Variants in PIGX observed in about 807,000 individuals in gnomAD.
PIGX encodes the protein GPI alpha-1,4-mannosyltransferase I, stabilizing subunit.
PIGX carries 24 observed loss-of-function variants against 28.7 expected under a neutral mutation model. The ratio of observed to expected loss-of-function variants is 0.84; its 90% CI spans 0.60 to 1.17. The LOEUF (loss-of-function observed/expected upper bound fraction) is 1.17, where lower values mean the gene tolerates loss of function less well. PIGX is among the 50% of genes most tolerant of loss of function. The pLI, the probability that PIGX is intolerant of heterozygous loss-of-function variation, is 0.00. For missense variants in PIGX, 305 were observed against 317.8 expected (o/e 0.96, Z 0.31); for synonymous variants, 127 against 121.0 (o/e 1.05, Z -0.33).
rs931571758 is a variant in PIGX, at chr3:196,728,860, G to A, written c.532+724G>A. ...CCACATTACCCCTCTGTTGCTTTTT[G>A]TTTCTTGTTATCAGTATTGCAGGAC... On this transcript the variant is annotated intron_variant, in intron 4 of 5. Coordinates refer to ENST00000392391, the MANE Select transcript of PIGX (RefSeq NM_017861.4). The A allele has an allele frequency of 8.4e-6, 6 of 710,558 alleles. No individual in the cohort carries two copies. In the African/African-American group the frequency reaches 1.0e-4, roughly 12 times the overall value. The allele number at this position is 710,558 out of a possible 1,614,324, so 44.0% of individuals were successfully genotyped here.
chr3:196,713,161 G>A, intron 1 of PIGX: 1 of 864,846 alleles, frequency 1.2e-6, no homozygotes, highest in African/African-American at 1.8e-5. Context: ...AACCCTACAA[G>A]TTTCTCCATC....
At chr3:196,730,377 T>C (rs957484628) in intron 4 of PIGX, among the ~76,000 whole-genome samples, 3 of 152,152 alleles carry the variant, frequency 2.0e-5, no homozygotes, top group Non-Finnish European at 4.4e-5. Flanking sequence ...TGTTCACTTT[T>C]CTGAGTGATG....
At chr3:196,728,461 A>G (rs1025068155) in intron 4 of PIGX, 20 of 593,844 alleles carry the variant, frequency 3.4e-5, no homozygotes, top group Non-Finnish European at 5.7e-5. Flanking sequence ...GTTTCTTTAT[A>G]TGTTTATCAT....
intron 3 of PIGX, among the ~76,000 whole-genome samples, chr3:196,723,407 A>G (rs944415986): frequency 6.6e-6 from 1 of 152,234 alleles, no homozygotes; most frequent in African/African-American, 2.4e-5. Context: ...GATAATTGGA[A>G]GAGCCAAAAA....
intron 1 of PIGX, among the ~76,000 whole-genome samples, chr3:196,715,626 A>G (rs1232209775): frequency 6.6e-6 from 1 of 152,200 alleles, no homozygotes; most frequent in East Asian, 1.9e-4. Flanking sequence ...GGATTCAGCA[A>G]TATTCAATGA....
In PIGX at chr3:196,727,922, G is replaced by A. The variant is rs763608495; in HGVS notation, c.319-1G>A. On this transcript the variant is annotated splice_acceptor_variant, in intron 3 of 5. Coordinates refer to ENST00000392391, the MANE Select transcript of PIGX (RefSeq NM_017861.4). LOFTEE classifies it high-confidence loss of function. ...TTAATATTTATTTTCTTTTTGAACA[G>A]GCAGTGATGGTTTCAGAAAATTTTG... 4.1e-5 allele frequency: 65 copies of A among 1,580,138 alleles called. No homozygotes were observed. Among genetic ancestry groups the A allele is most frequent in the African/African-American group, 5.4e-5 (4 of 73,988 alleles).
chr3:196,726,645 C>T (rs570098131), intron 3 of PIGX: 7 of 456,054 alleles, frequency 1.5e-5, no homozygotes, highest in Non-Finnish European at 2.6e-5. Context: ...GTGAACATTT[C>T]CCTTGTCAGG....
At chr3:196,731,902 C>T (rs574404602) in intron 5 of PIGX, among the ~76,000 whole-genome samples, 1 of 152,058 alleles carries the variant, frequency 6.6e-6, no homozygotes, top group African/African-American at 2.4e-5. Flanking sequence ...TCTTGGCTCA[C>T]TGCAACCTCC....
chr3:196,721,025 A>G (rs1204004320), intron 2 of PIGX, among the ~76,000 whole-genome samples: 1 of 152,116 alleles, frequency 6.6e-6, no homozygotes, highest in Non-Finnish European at 1.5e-5. Flanking sequence ...TGACTGGATA[A>G]TAATGTGCCT....
chr3:196,732,346 A>C (rs1413151042), intron 5 of PIGX, among the ~76,000 whole-genome samples: 1 of 141,952 alleles, frequency 7.0e-6, no homozygotes, highest in Non-Finnish European at 1.5e-5. Flanking sequence ...CAGTGGCACG[A>C]TCTCGGCTCA....
At position 196,712,419 on chromosome 3, in the gene PIGX, G is replaced by A. The variant is rs1273100687; in HGVS notation, c.-114G>A. Reference sequence around the variant, plus strand: ...GCTAGGCGCGCGCACCCAGCACTCGGTCCCAGCCGATAAATCTGGGGCAGC... The same window carrying A: ...GCTAGGCGCGCGCACCCAGCACTCGATCCCAGCCGATAAATCTGGGGCAGC... On this transcript the variant is annotated 5_prime_UTR_variant, in exon 1 of 6. Coordinates refer to ENST00000392391, the MANE Select transcript of PIGX (RefSeq NM_017861.4). The A allele has an allele frequency of 1.9e-5, 8 of 418,856 alleles. No individual in the cohort carries two copies. In the Admixed American group the frequency reaches 2.7e-4, roughly 14 times the overall value. The allele number at this position is 418,856 out of a possible 1,614,324, so 25.9% of individuals were successfully genotyped here. A position where few individuals can be genotyped will look rare whatever the true frequency, so the allele number is the denominator to read the frequency against.
intron 2 of PIGX, among the ~76,000 whole-genome samples, chr3:196,719,436 C>T (rs554978008): frequency 2.4e-4 from 37 of 152,182 alleles, no homozygotes; most frequent in East Asian, 7.7e-4. Flanking sequence ...CCCATTAACT[C>T]GTCATTTAGC....
At chr3:196,724,415 A>T (rs1395629203) in intron 3 of PIGX, among the ~76,000 whole-genome samples, 1 of 152,200 alleles carries the variant, frequency 6.6e-6, no homozygotes, top group African/African-American at 2.4e-5. Context: ...GCTTGTAAGG[A>T]TATGGGTTGG....
At chr3:196,718,080 GA>G (rs1235789701) in intron 2 of PIGX, 1 of 152,050 alleles carries the variant, frequency 6.6e-6, no homozygotes, top group Non-Finnish European at 1.5e-5. Context: ...GGAGGTCGAG[GA>G]CCCCGGATCA....
rs2291397 is a variant in PIGX, at chr3:196,728,068, C to T, written c.464C>T (p.Pro155Leu). 3.0e-3 allele frequency: 4,913 copies of T among 1,614,044 alleles called. 127 individuals carry two copies. The Admixed American group carries it at 0.044, about 14-fold the overall frequency. ...CCTGTGCACTGCCGCTATCATCGGCCGCACAGTGAAGATGGAGAAGCCTCG... is the reference window on the plus strand; with the variant it reads ...CCTGTGCACTGCCGCTATCATCGGCTGCACAGTGAAGATGGAGAAGCCTCG... The change falls in exon 4 of 6, where the codon CCG becomes CTG. Residue 155 changes from proline to leucine, a missense_variant. Pro to Leu is a moderately conservative substitution (Grantham distance 98). Coordinates refer to ENST00000392391, the MANE Select transcript of PIGX (RefSeq NM_017861.4).
In PIGX at chr3:196,733,644, C is replaced by T; in HGVS notation, c.634-115C>T. Reference sequence around the variant, plus strand: ...GCCAGGCTGGTTTTGAACTCCTGACCTCAAGCGATCTGCCCGCCTTGGCCT... The same window carrying T: ...GCCAGGCTGGTTTTGAACTCCTGACTTCAAGCGATCTGCCCGCCTTGGCCT... On this transcript the variant is annotated intron_variant, in intron 5 of 5. Transcript: ENST00000392391. This position sits in a 1 kb window ranked among gnomAD's most constrained non-coding sequence, Gnocchi z 4.3. 1 of 711,688 alleles carries T rather than the reference C, an allele frequency of 1.4e-6. No individual in the cohort carries two copies. 44.1% of individuals were successfully genotyped at this position (711,688 alleles called of 1,614,324 possible).
intron 2 of PIGX, 124 bp from the exon 3 acceptor site, chr3:196,722,291 T>C: frequency 1.5e-6 from 1 of 669,234 alleles, no homozygotes; most frequent in South Asian, 2.1e-5. Flanking sequence ...TCATTTGACC[T>C]TATAATCTAC....
intron 4 of PIGX, among the ~76,000 whole-genome samples, chr3:196,729,405 CTTTCTTA>C (rs1306225800): frequency 2.0e-5 from 3 of 151,142 alleles, no homozygotes; most frequent in African/African-American, 7.3e-5. Context: ...TTCTTTCTTT[CTTTCTTA>C]TTTTTTTTTT....
At chr3:196,729,356 AT>A (rs1712653293) in intron 4 of PIGX, among the ~76,000 whole-genome samples, 3 of 151,948 alleles carry the variant, frequency 2.0e-5, no homozygotes, top group South Asian at 2.1e-4. Context: ...AATAAAAAAA[AT>A]AAAAAGCTTT....
Sources: gnomAD v4.1 joint callset for allele counts (sites outside exome capture counted in the v4.1 genomes callset) on GRCh38, gnomAD v4.1.1 for gene constraint, Gnocchi (gnomAD v3.1) non-coding constraint, MANE v1.5 for transcripts, NCBI Gene and HGNC (gene_info 2026-07-23, HGNC 2026-07-21) for gene names.